Variants in ATP8A1 observed in about 807,000 individuals in gnomAD.
ATP8A1 encodes the protein ATPase phospholipid transporting 8A1.
ATP8A1 carries 90 observed loss-of-function variants against 177.7 expected under a neutral mutation model. The observed-to-expected ratio is 0.51, with a 90% CI of 0.43 to 0.60. The LOEUF is 0.60. Among genes scored for constraint, ATP8A1 ranks in the 20% least tolerant of loss-of-function variants. The probability of loss-of-function intolerance (pLI) is 0.00; values close to 1 mark genes in which losing one functional copy is unlikely to be tolerated. For missense variants in ATP8A1, 1,072 were observed against 1,392.8 expected, an observed-to-expected ratio of 0.77 and a Z score of 3.67; for synonymous variants, 493 against 485.9, an observed-to-expected ratio of 1.01 and a Z score of -0.19.
At chr4:42,478,375 T>A (rs1159921168) in intron 25 of ATP8A1, among the ~76,000 whole-genome samples, 1 of 152,010 alleles carries the variant, frequency 6.6e-6, no homozygotes, top group Non-Finnish European at 1.5e-5. Flanking sequence ...TCAAAAAAAA[T>A]TATTTACTGG....
At chr4:42,622,054 T>C (rs530448083) in intron 4 of ATP8A1, among the ~76,000 whole-genome samples, 33 of 152,132 alleles carry the variant, frequency 2.2e-4, no homozygotes, top group Non-Finnish European at 5.9e-5. Flanking sequence ...CTACATCATA[T>C]ACAAAACTCA....
intron 6 of ATP8A1, among the ~76,000 whole-genome samples, chr4:42,598,110 A>G (rs11728604): frequency 6.6e-6 from 1 of 151,912 alleles, no homozygotes; most frequent in Admixed American, 6.6e-5. Flanking sequence ...AGATTTTGAG[A>G]TATTGCTCTT....
chr4:42,530,777 C>A (rs1454910170), intron 20 of ATP8A1, among the ~76,000 whole-genome samples: 1 of 152,230 alleles, frequency 6.6e-6, no homozygotes, highest in African/African-American at 2.4e-5. Context: ...TGCTCTGAAT[C>A]AGCATCCAAT....
At chr4:42,599,468 T>G (rs1338044470) in intron 6 of ATP8A1, among the ~76,000 whole-genome samples, 1 of 152,170 alleles carries the variant, frequency 6.6e-6, no homozygotes, top group Non-Finnish European at 1.5e-5. Context: ...GTTGCTCTCA[T>G]GTCAAAAACC....
At chr4:42,464,637 T>G in intron 27 of ATP8A1, 53 bp downstream of exon 27, 1 of 1,054,424 alleles carries the variant, frequency 9.5e-7, no homozygotes, top group Non-Finnish European at 1.4e-6. Flanking sequence ...TAAAGAAAAT[T>G]TCTTTAAATA....
At chr4:42,530,101 C>T (rs1203086680) in intron 20 of ATP8A1, among the ~76,000 whole-genome samples, 1 of 152,164 alleles carries the variant, frequency 6.6e-6, no homozygotes, top group African/African-American at 2.4e-5. Context: ...GTTCTGTGGA[C>T]ACCACTCAGC....
At position 42,423,002 on chromosome 4, in the gene ATP8A1, G is replaced by T. The variant is rs530042693; in HGVS notation, c.3213-103C>A. ...ATCACGCGGTTGATAAAGCACAATG[G>T]TAACAAGAGTACAAGCAGTTTTTCA... On this transcript the variant is annotated intron_variant, in intron 34 of 36. Coordinates refer to ENST00000381668, the MANE Select transcript of ATP8A1 (RefSeq NM_006095.2). The T allele has an allele frequency of 6.9e-6, 5 of 721,638 alleles. No homozygotes were observed. In the African/African-American group the frequency reaches 8.8e-5, roughly 13 times the overall value. 44.7% of individuals were successfully genotyped at this position (721,638 alleles called of 1,614,324 possible).
intron 33 of ATP8A1, among the ~76,000 whole-genome samples, chr4:42,435,461 A>AACAC (rs67063110): frequency 8.2e-6 from 1 of 122,346 alleles, no homozygotes; most frequent in Non-Finnish European, 1.8e-5. Context: ...AAAAAAAAAA[A>AACAC]AACAAACTAT....
chr4:42,470,828 T>C (rs1720317205), intron 25 of ATP8A1, among the ~76,000 whole-genome samples: 2 of 152,320 alleles, frequency 1.3e-5, no homozygotes, highest in East Asian at 1.9e-4. Flanking sequence ...CAGGTGCCTA[T>C]TTAGAGGTCA....
rs961248505 is a variant in ATP8A1 at position 42,414,667 on chromosome 4, C to T, written c.3357G>A (p.Val1119=). 26 of 1,613,758 alleles carry T rather than the reference C, an allele frequency of 1.6e-5. No individual in the cohort carries two copies. The highest frequency in any genetic ancestry group is 2.1e-5 in the Non-Finnish European group (25 of 1,179,846). ...LLKNVFKKNH[V]NLYRSESLQQ... ...GCAAGGATTCAGAGCGGTACAAGTT[C>T]ACGTGGTTCTTCTTAAAGACGTTCT... Residue 1119 remains valine, a synonymous_variant, in exon 36 of 37, where the codon GTG becomes GTA. Transcript: ENST00000381668.
intron 16 of ATP8A1, among the ~76,000 whole-genome samples, chr4:42,555,105 C>G (rs1337841432): frequency 1.1e-5 from 1 of 91,072 alleles, no homozygotes; most frequent in Non-Finnish European, 2.2e-5. Context: ...ATCTATCTAT[C>G]TATCTATCTA....
At chr4:42,585,582 C>T (rs565711246) in intron 9 of ATP8A1, among the ~76,000 whole-genome samples, 39 of 149,900 alleles carry the variant, frequency 2.6e-4, no homozygotes, top group African/African-American at 4.2e-4. Context: ...GCCTTGATTT[C>T]GGACTCCCCA....
At chr4:42,478,848 G>A (rs982125508) in intron 25 of ATP8A1, among the ~76,000 whole-genome samples, 2 of 152,162 alleles carry the variant, frequency 1.3e-5, no homozygotes, top group African/African-American at 4.8e-5. Context: ...TCTTGGTTCT[G>A]ATGGCATGGA....
intron 6 of ATP8A1, among the ~76,000 whole-genome samples, chr4:42,591,695 TATTC>T (rs1256421494): frequency 1.3e-5 from 2 of 152,184 alleles, no homozygotes; most frequent in East Asian, 1.9e-4. Context: ...CACATAAATG[TATTC>T]ATTATTTATT....
chr4:42,525,802 T>C (rs1726615771), intron 20 of ATP8A1, among the ~76,000 whole-genome samples: 1 of 152,178 alleles, frequency 6.6e-6, no homozygotes, highest in South Asian at 2.1e-4. Flanking sequence ...GGGCTGATAT[T>C]TGGAAGCAGA....
At chr4:42,489,612 T>C (rs1360615326) in intron 24 of ATP8A1, among the ~76,000 whole-genome samples, 1 of 152,218 alleles carries the variant, frequency 6.6e-6, no homozygotes, top group Admixed American at 6.5e-5. Context: ...AGTTTTCTTT[T>C]GTAAGCTCTG....
Position 42,412,831 on chromosome 4 carries a change from G to T in ATP8A1, c.*85C>A. The T allele has an allele frequency of 9.0e-7, 1 of 1,110,344 alleles. No individual in the cohort carries two copies. The allele number at this position is 1,110,344 out of a possible 1,614,324, so 68.8% of individuals were successfully genotyped here. A position where few individuals can be genotyped will look rare whatever the true frequency, so the allele number is the denominator to read the frequency against. The stretch of plus-strand genomic sequence containing the variant: ...ATCTACCTTTCCTCTTCATGGACCA[G>T]ACTGGAATTGGTTAGCAGACTGCGG... On this transcript the variant is annotated 3_prime_UTR_variant, in exon 37 of 37. Transcript: ENST00000381668.
At chr4:42,554,029 G>A (rs1729788753) in intron 16 of ATP8A1, among the ~76,000 whole-genome samples, 1 of 152,208 alleles carries the variant, frequency 6.6e-6, no homozygotes, top group South Asian at 2.1e-4. Context: ...CAAAGTGAGG[G>A]TGACAGCTTA....
At chr4:42,558,483 A>G (rs1287188938) in intron 15 of ATP8A1, among the ~76,000 whole-genome samples, 1 of 152,264 alleles carries the variant, frequency 6.6e-6, no homozygotes, top group Non-Finnish European at 1.5e-5. Context: ...GGCTGACTTA[A>G]AAGTTATGAT....
Sources: gnomAD v4.1 joint callset for allele counts (sites outside exome capture counted in the v4.1 genomes callset) on GRCh38, gnomAD v4.1.1 for gene constraint, MANE v1.5 for transcripts, NCBI Gene and HGNC (gene_info 2026-07-23, HGNC 2026-07-21) for gene names.